Variants in DPYD observed in about 807,000 individuals in gnomAD.
DPYD encodes dihydropyrimidine dehydrogenase.
A neutral mutation model predicts 116.2 loss-of-function variants in DPYD; 109 were observed. That is an observed-to-expected ratio of 0.94 (90% CI 0.80 to 1.10). The LOEUF (loss-of-function observed/expected upper bound fraction) is 1.10. DPYD is among the 50% of genes least tolerant of loss of function. DPYD has a pLI of 0.00. For synonymous variants in DPYD, 440 were observed against 432.0 expected (o/e 1.02, Z -0.23); for missense variants, 1,302 against 1,254.5 (o/e 1.04, Z -0.57).
intron 14 of DPYD, 92 bp downstream of exon 14, chr1:97,449,967 A>G (rs1570752403): frequency 1.0e-5 from 15 of 1,476,590 alleles, no homozygotes; most frequent in East Asian, 9.3e-5. Flanking sequence ...AAATATACAC[A>G]TTAATATTTA....
chr1:97,763,382 A>G (rs1018671368), intron 3 of DPYD, among the ~76,000 whole-genome samples: 3 of 151,958 alleles, frequency 2.0e-5, no homozygotes, highest in Non-Finnish European at 4.4e-5. Flanking sequence ...TTTTAATTGC[A>G]CAATACAAAC....
chr1:97,665,715 A>G (rs552068168), intron 8 of DPYD, among the ~76,000 whole-genome samples: 1 of 152,252 alleles, frequency 6.6e-6, no homozygotes, highest in South Asian at 2.1e-4. Context: ...TACTTTTCCT[A>G]TGGTTTTTAA....
At chr1:97,450,009 T>C (rs1267792999) in intron 14 of DPYD, 50 bp downstream of exon 14, 1 of 1,608,938 alleles carries the variant, frequency 6.2e-7, no homozygotes, top group Non-Finnish European at 8.5e-7. Context: ...TAAATAAACA[T>C]TCACCAACTT....
intron 8 of DPYD, among the ~76,000 whole-genome samples, chr1:97,643,288 A>T (rs1658045932): frequency 1.3e-5 from 2 of 152,160 alleles, no homozygotes; most frequent in South Asian, 4.1e-4. Flanking sequence ...AAGAACAGAC[A>T]CTTCTCAAAA....
At chr1:97,284,387 T>C (rs1387349902) in intron 18 of DPYD, among the ~76,000 whole-genome samples, 4 of 152,256 alleles carry the variant, frequency 2.6e-5, no homozygotes, top group South Asian at 4.1e-4. Flanking sequence ...ACTGAAATTT[T>C]AGAATGAGTT....
chr1:97,641,550 C>G (rs1203918813), intron 8 of DPYD, among the ~76,000 whole-genome samples: 1 of 152,060 alleles, frequency 6.6e-6, no homozygotes, highest in African/African-American at 2.4e-5. Flanking sequence ...AATTCAACAC[C>G]ACTTCATGCT....
At chr1:97,863,610 T>C (rs562602863) in intron 2 of DPYD, among the ~76,000 whole-genome samples, 2 of 152,040 alleles carry the variant, frequency 1.3e-5, no homozygotes, top group African/African-American at 4.8e-5. Flanking sequence ...CAATATGTAC[T>C]GCCCACAAAT....
chr1:97,490,428 A>T (rs1413646049), intron 13 of DPYD, among the ~76,000 whole-genome samples: 2 of 147,774 alleles, frequency 1.4e-5, no homozygotes, highest in East Asian at 3.9e-4. Flanking sequence ...ATAACACACT[A>T]ATAATTGTAT....
chr1:97,204,083 T>C (rs942472829), intron 19 of DPYD, among the ~76,000 whole-genome samples: 1 of 152,062 alleles, frequency 6.6e-6, no homozygotes, highest in African/African-American at 2.4e-5. Flanking sequence ...TTAAGCGTTA[T>C]AGGAAAAACA....
chr1:97,893,744 C>G (rs1275216287), intron 1 of DPYD, among the ~76,000 whole-genome samples: 1 of 151,648 alleles, frequency 6.6e-6, no homozygotes, highest in Non-Finnish European at 1.5e-5. Context: ...TATTATGTCA[C>G]TCTCACACTC....
At chr1:97,592,377 A>AT (rs1219142531) in intron 10 of DPYD, among the ~76,000 whole-genome samples, 4 of 151,980 alleles carry the variant, frequency 2.6e-5, no homozygotes, top group Non-Finnish European at 4.4e-5. Flanking sequence ...TATTATTACT[A>AT]TTTTTTTGAG....
At chr1:97,839,159 C>T (rs891002615) in intron 2 of DPYD, among the ~76,000 whole-genome samples, 4 of 152,164 alleles carry the variant, frequency 2.6e-5, no homozygotes, top group Admixed American at 6.5e-5. Flanking sequence ...ATACTATTAA[C>T]CTTCCTTCCT....
At chr1:97,456,810 G>T (rs529662803) in intron 13 of DPYD, among the ~76,000 whole-genome samples, 1 of 152,062 alleles carries the variant, frequency 6.6e-6, no homozygotes, top group Non-Finnish European at 1.5e-5. Context: ...GGAAAATGGG[G>T]TAAGACAGGC....
At chr1:97,554,086 AT>A (rs550638856) in intron 11 of DPYD, among the ~76,000 whole-genome samples, 52 of 152,222 alleles carry the variant, frequency 3.4e-4, no homozygotes, top group African/African-American at 1.2e-3. Context: ...GCATGAAATG[AT>A]TTTTTATACA....
At chr1:97,841,051 C>T (rs1226206377) in intron 2 of DPYD, among the ~76,000 whole-genome samples, 1 of 152,040 alleles carries the variant, frequency 6.6e-6, no homozygotes, top group Non-Finnish European at 1.5e-5. Flanking sequence ...CTAACACAGA[C>T]ATTTGCACAT....
intron 3 of DPYD, among the ~76,000 whole-genome samples, chr1:97,786,528 C>T (rs546625228): frequency 7.9e-5 from 12 of 152,316 alleles, no homozygotes; most frequent in African/African-American, 2.6e-4. Flanking sequence ...AAAGGACCAT[C>T]CATTCAATAT....
intron 14 of DPYD, among the ~76,000 whole-genome samples, chr1:97,398,731 G>A (rs1445835164): frequency 1.3e-5 from 2 of 152,178 alleles, no homozygotes; most frequent in Non-Finnish European, 2.9e-5. Flanking sequence ...TCTGATGGCT[G>A]CATAAATGTC....
intron 18 of DPYD, among the ~76,000 whole-genome samples, chr1:97,273,664 C>T (rs1423876127): frequency 6.6e-6 from 1 of 152,100 alleles, no homozygotes; most frequent in Non-Finnish European, 1.5e-5. Context: ...CACCAGTTTT[C>T]CTGGAGGATT....
chr1:97,719,181 A>G (rs1417593836), intron 5 of DPYD, among the ~76,000 whole-genome samples: 1 of 150,592 alleles, frequency 6.6e-6, no homozygotes, highest in Non-Finnish European at 1.5e-5. Context: ...AAAAAAAAAA[A>G]AAAAAAAAGC....
Sources: allele counts gnomAD v4.1 joint callset (sites outside exome capture counted in the v4.1 genomes callset), GRCh38; gene constraint gnomAD v4.1.1; transcripts MANE v1.5; gene names NCBI Gene and HGNC (gene_info 2026-07-23, HGNC 2026-07-21).